Variants in RABGAP1 observed in about 807,000 individuals in gnomAD.
RABGAP1 encodes RAB GTPase activating protein 1.
Under a neutral mutation model 137.6 loss-of-function variants are expected in RABGAP1, and 23 were observed. That is an observed-to-expected ratio of 0.17 (90% CI 0.12 to 0.24). The LOEUF (loss-of-function observed/expected upper bound fraction) is 0.24, where lower values mean the gene tolerates loss of function less well. Ranked by LOEUF, RABGAP1 falls within the 10% of genes least tolerant of loss-of-function variation. RABGAP1 has a pLI of 1.00. For missense variants in RABGAP1, 906 were observed against 1,275.8 expected (o/e 0.71, Z 4.42); for synonymous variants, 451 against 450.7 (o/e 1.00, Z -0.01).
intron 13 of RABGAP1, among the ~76,000 whole-genome samples, chr9:123,044,359 C>T (rs1204210624): frequency 6.6e-6 from 1 of 152,180 alleles, no homozygotes; most frequent in Non-Finnish European, 1.5e-5. Flanking sequence ...TGGTTCTTTA[C>T]AAAGCCATTT....
chr9:123,087,736 T>G (rs1465394035), intron 19 of RABGAP1, among the ~76,000 whole-genome samples: 2 of 152,114 alleles, frequency 1.3e-5, no homozygotes, highest in Non-Finnish European at 2.9e-5. Flanking sequence ...ACTCCAGGAA[T>G]AGAGCTCTGA....
chr9:122,954,267 ATGTT>A, intron 1 of RABGAP1, among the ~76,000 whole-genome samples: 1 of 152,110 alleles, frequency 6.6e-6, no homozygotes, highest in East Asian at 1.9e-4. Flanking sequence ...GGTTTTATCT[ATGTT>A]TGTGGAGCTG....
chr9:123,063,881 G>C (rs2034070998), intron 13 of RABGAP1, among the ~76,000 whole-genome samples: 1 of 152,092 alleles, frequency 6.6e-6, no homozygotes, highest in South Asian at 2.1e-4. Flanking sequence ...AAATTTTGAT[G>C]AAGTGTCCAG....
intron 9 of RABGAP1, among the ~76,000 whole-genome samples, chr9:122,998,131 ACT>A (rs1837134170): frequency 1.3e-5 from 2 of 151,790 alleles, no homozygotes; most frequent in Non-Finnish European, 2.9e-5. Context: ...ACAGAGTCTT[ACT>A]CTGTCATCCA....
chr9:123,090,998 G>T (rs1455198029), intron 21 of RABGAP1, among the ~76,000 whole-genome samples: 2 of 152,224 alleles, frequency 1.3e-5, no homozygotes, highest in Non-Finnish European at 2.9e-5. Flanking sequence ...AACATTTTCT[G>T]TAAAGGGATG....
At chr9:123,068,167 T>C (rs532799595) in intron 14 of RABGAP1, among the ~76,000 whole-genome samples, 1 of 152,030 alleles carries the variant, frequency 6.6e-6, no homozygotes, top group East Asian at 1.9e-4. Flanking sequence ...CTGGCCAACA[T>C]GATGAAACCC....
At chr9:123,039,584 T>C (rs1313927577) in intron 13 of RABGAP1, among the ~76,000 whole-genome samples, 1 of 152,154 alleles carries the variant, frequency 6.6e-6, no homozygotes, top group Non-Finnish European at 1.5e-5. Context: ...AAATAATATC[T>C]CTTTTTGGTA....
intron 19 of RABGAP1, among the ~76,000 whole-genome samples, chr9:123,079,436 G>A (rs1328436491): frequency 1.3e-5 from 2 of 151,668 alleles, no homozygotes; most frequent in Admixed American, 6.6e-5. Context: ...ACAGCGTTTC[G>A]CCATGTTGGC....
chr9:122,963,584 T>G (rs1834969474), intron 2 of RABGAP1, among the ~76,000 whole-genome samples: 1 of 152,140 alleles, frequency 6.6e-6, no homozygotes, highest in African/African-American at 2.4e-5. Context: ...AAAATGCAGA[T>G]ACAATATACT....
intron 13 of RABGAP1, among the ~76,000 whole-genome samples, chr9:123,055,544 T>C (rs1378152738): frequency 6.7e-6 from 1 of 149,292 alleles, no homozygotes; most frequent in African/African-American, 2.5e-5. Context: ...ATATTTCTTC[T>C]TCTTTTTTTT....
chr9:123,089,775 G>A lies in RABGAP1; in HGVS notation c.2442G>A (p.Leu814=). 1 of 1,613,142 alleles carries A rather than the reference G, an allele frequency of 6.2e-7. No individual in the cohort carries two copies. The highest frequency in any genetic ancestry group is 8.5e-7 in the Non-Finnish European group (1 of 1,179,408). Residue 814 remains leucine (L), a synonymous_variant, in exon 20 of 26, where the codon TTG becomes TTA. Transcript: ENST00000373647. ...ACNMKISQKK[L]KKYEKEYHTM... ...TCCTACAGATTAGTCAGAAGAAGTT[G>A]AAAAAATACGAGAAAGAATATCACA... is the stretch of plus-strand genomic sequence containing the variant.
chr9:123,048,564 C>A (rs115529384), intron 13 of RABGAP1, among the ~76,000 whole-genome samples: 291 of 152,202 alleles, frequency 1.9e-3, no homozygotes, highest in African/African-American at 6.2e-3. Flanking sequence ...TTAAGCTGTA[C>A]TAAGAGAGCA....
intron 19 of RABGAP1, among the ~76,000 whole-genome samples, chr9:123,088,371 C>T (rs1473046220): frequency 6.6e-6 from 1 of 151,990 alleles, no homozygotes; most frequent in African/African-American, 2.4e-5. Context: ...TTAAATTGCA[C>T]ACATCTGTTT....
At chr9:123,098,276 C>T (rs570962797) in intron 22 of RABGAP1, among the ~76,000 whole-genome samples, 6 of 152,302 alleles carry the variant, frequency 3.9e-5, no homozygotes, top group South Asian at 2.1e-4. Context: ...GGGTGCTGTG[C>T]GCCTGGGAGC....
intron 6 of RABGAP1, chr9:122,990,829 A>ATATATATATT (rs1836684708): frequency 8.1e-6 from 1 of 123,982 alleles, no homozygotes; most frequent in Non-Finnish European, 1.6e-5. Flanking sequence ...ATATATATAT[A>ATATATATATT]TATATATGGC....
chr9:123,081,013 C>T (rs1261367690), intron 19 of RABGAP1, among the ~76,000 whole-genome samples: 1 of 152,122 alleles, frequency 6.6e-6, no homozygotes, highest in East Asian at 1.9e-4. Context: ...GACAGAAAGA[C>T]CAACCCCTCT....
At chr9:123,012,899 G>A (rs1370778204) in intron 11 of RABGAP1, among the ~76,000 whole-genome samples, 1 of 152,160 alleles carries the variant, frequency 6.6e-6, no homozygotes, top group Admixed American at 6.5e-5. Context: ...AACCATTCCT[G>A]CTGTGATTGT....
At chr9:123,005,723 A>G (rs1237334193) in intron 10 of RABGAP1, among the ~76,000 whole-genome samples, 1 of 152,246 alleles carries the variant, frequency 6.6e-6, no homozygotes, top group Non-Finnish European at 1.5e-5. Context: ...GCAGTGTGGA[A>G]TCTTATGTAT....
intron 13 of RABGAP1, 35 bp from the exon 14 acceptor site, chr9:123,065,313 C>T (rs759085677): frequency 1.3e-5 from 19 of 1,448,768 alleles, no homozygotes; most frequent in Non-Finnish European, 1.8e-5. Flanking sequence ...CATGATTAAC[C>T]TAACTAAACC....
Sources: allele counts gnomAD v4.1 joint callset (sites outside exome capture counted in the v4.1 genomes callset), GRCh38; gene constraint gnomAD v4.1.1; transcripts MANE v1.5; gene names NCBI Gene and HGNC (gene_info 2026-07-23, HGNC 2026-07-21).